The following GBF1 variants were observed in gnomAD, a reference collection of about 807,000 sequenced individuals.
GBF1 encodes the protein golgi brefeldin A resistant guanine nucleotide exchange factor 1.
In GBF1, 114 loss-of-function variants were observed where a neutral mutation model predicts 210.5. The observed-to-expected ratio is 0.54, with a 90% confidence interval of 0.47 to 0.63. The LOEUF (loss-of-function observed/expected upper bound fraction) is 0.63, where lower values mean the gene tolerates loss of function less well. Ranked by LOEUF, GBF1 falls within the 30% of genes least tolerant of loss-of-function variation. The pLI, the probability that GBF1 is intolerant of heterozygous loss-of-function variation, is 0.00. For missense variants in GBF1, 1,851 were observed against 2,357.7 expected (o/e 0.79, Z 4.45); for synonymous variants, 850 against 889.2 (o/e 0.96, Z 0.78).
intron 4 of GBF1, 78 bp downstream of exon 4, chr10:102,344,260 G>A: frequency 1.5e-6 from 2 of 1,372,338 alleles, no homozygotes; most frequent in Admixed American, 3.8e-5. Context: ...CTTAGGCAAT[G>A]AGCTGGTGAT....
chr10:102,244,287 T>C (rs1389846012), upstream of GBF1, among the ~76,000 whole-genome samples: 1 of 152,194 alleles, frequency 6.6e-6, no homozygotes. Flanking sequence ...ATTGGGAGGA[T>C]GTATGGAAAG....
chr10:102,345,569 C>T (rs1297626663), intron 4 of GBF1, among the ~76,000 whole-genome samples: 2 of 147,834 alleles, frequency 1.4e-5, no homozygotes, highest in East Asian at 4.0e-4. Flanking sequence ...ATCACTTGAA[C>T]CCGGGAGGCG....
intron 4 of GBF1, among the ~76,000 whole-genome samples, chr10:102,349,880 G>C (rs1198657308): frequency 6.6e-6 from 1 of 152,068 alleles, no homozygotes; most frequent in Non-Finnish European, 1.5e-5. Context: ...CCGGTTGTCT[G>C]ACCTCTAGCT....
intron 4 of GBF1, among the ~76,000 whole-genome samples, chr10:102,350,039 A>G (rs1199651822): frequency 1.3e-5 from 2 of 152,264 alleles, no homozygotes; most frequent in South Asian, 2.1e-4. Context: ...ATTATTTTAA[A>G]TAAGAATGAA....
In GBF1 at chr10:102,370,260, A is replaced by G. The variant is rs2060130308; in HGVS notation, c.3411+15A>G. ...AGCTCATGAAGGTAAAGGATGAAGAAAGGAAACATGGAACAACTGGCTGAA... is the reference window on the plus strand; with the variant it reads ...AGCTCATGAAGGTAAAGGATGAAGAGAGGAAACATGGAACAACTGGCTGAA... On this transcript the variant is annotated intron_variant, in intron 27 of 39. Coordinates refer to ENST00000369983, the MANE Select transcript of GBF1 (RefSeq NM_001377137.1). The G allele has an allele frequency of 6.3e-7, 1 of 1,584,076 alleles. No individual in the cohort carries two copies. The highest frequency in any genetic ancestry group is 1.3e-5 in the African/African-American group (1 of 74,348).
In GBF1 at chr10:102,325,425, C is replaced by T. The variant is rs376447031; in HGVS notation, c.164-18626C>T. Among the ~76,000 whole-genome samples the T allele has an allele frequency of 4.0e-5, 6 of 151,872 alleles. No homozygotes were observed. In the East Asian group the frequency reaches 9.9e-4, roughly 25 times the overall value. ...ATTAGCTAGGCGTGATGGTGGGCAC[C>T]TGTAATGCCAGCTCCTTGGGAGGCT... On this transcript the variant is annotated intron_variant, in intron 3 of 39. Transcript: ENST00000369983.
chr10:102,343,691 G>A (rs1164583683), intron 3 of GBF1, among the ~76,000 whole-genome samples: 1 of 151,150 alleles, frequency 6.6e-6, no homozygotes, highest in African/African-American at 2.4e-5. Flanking sequence ...GGTGACAGAC[G>A]CCTATAGTCC....
Position 102,375,599 on chromosome 10 carries a change from A to C in GBF1, c.3886+15A>C, listed in dbSNP as rs759725393. 4 of 1,522,764 alleles carry C rather than the reference A, an allele frequency of 2.6e-6. No homozygotes were observed. In the African/African-American group the frequency reaches 5.5e-5, roughly 21 times the overall value. The allele number at this position is 1,522,764 out of a possible 1,614,324, so 94.3% of individuals were successfully genotyped here. ...ACCTGATGCCGGTAAGCCCTTTCCC[A>C]GGGAGACTCAGGCTGGCAGATAAAC... is the stretch of plus-strand genomic sequence containing the variant. On this transcript the variant is annotated intron_variant, in intron 30 of 39. Coordinates refer to ENST00000369983, the MANE Select transcript of GBF1 (RefSeq NM_001377137.1).
chr10:102,299,908 T>G (rs991346692), intron 3 of GBF1, among the ~76,000 whole-genome samples: 1 of 152,194 alleles, frequency 6.6e-6, no homozygotes, highest in African/African-American at 2.4e-5. Flanking sequence ...ATTTTATCAT[T>G]GTTATTAAAA....
intron 3 of GBF1, among the ~76,000 whole-genome samples, chr10:102,263,711 A>C (rs986044911): frequency 6.6e-6 from 1 of 152,180 alleles, no homozygotes; most frequent in Non-Finnish European, 1.5e-5. Flanking sequence ...ATGTCATTGG[A>C]CCACATTTAC....
At chr10:102,350,964 G>C (rs1054670911) in intron 4 of GBF1, among the ~76,000 whole-genome samples, 1 of 151,890 alleles carries the variant, frequency 6.6e-6, no homozygotes, top group Non-Finnish European at 1.5e-5. Flanking sequence ...GTGGGCGCCT[G>C]TAATGCCAGC....
chr10:102,309,262 A>C lies in GBF1; in HGVS notation c.164-34789A>C, dbSNP rs1589584226. 3.9e-5 allele frequency among the ~76,000 whole-genome samples: 6 copies of C among 152,230 alleles called. No homozygotes were observed. The South Asian group carries it at 1.2e-3, about 32-fold the overall frequency. On this transcript the variant is annotated intron_variant, in intron 3 of 39. Transcript: ENST00000369983. ...AGCAGGAATCAAACTCATGTCTCAG[A>C]AAAGTTATTAATTACAGCTTGTCTT...
chr10:102,235,191 C>T, the GBF1 span, among the ~76,000 whole-genome samples: 2 of 148,092 alleles, frequency 1.4e-5, no homozygotes. Flanking sequence ...CCCCCCACCG[C>T]CTCCCTGGCC....
chr10:102,298,923 G>T (rs894342116), intron 3 of GBF1, among the ~76,000 whole-genome samples: 1 of 152,084 alleles, frequency 6.6e-6, no homozygotes, highest in Non-Finnish European at 1.5e-5. Flanking sequence ...TTGTTCTGTT[G>T]TTCTAGAAAA....
intron 3 of GBF1, among the ~76,000 whole-genome samples, chr10:102,291,069 C>T (rs202224863): frequency 2.6e-5 from 4 of 152,056 alleles, no homozygotes; most frequent in African/African-American, 9.7e-5. Flanking sequence ...AGGAACCTTT[C>T]GGATTTGTAT....
rs1565193674 is a variant in GBF1, at chr10:102,382,210, G to A, written c.5457G>A (p.Gln1819=). Residue 1819 remains glutamine (Q), a synonymous_variant, in exon 40 of 40, where the codon CAG becomes CAA. Coordinates refer to ENST00000369983, the MANE Select transcript of GBF1 (RefSeq NM_001377137.1). The stretch of plus-strand genomic sequence containing the variant: ...TGCAGCCCTTGGCCTCCCCACTGCA[G>A]GTGGGCGTGCCACCTATGACTCTGC... ...LILQPLASPL[Q]VGVPPMTLPI... 4 of 1,614,072 alleles carry A rather than the reference G, an allele frequency of 2.5e-6. No homozygotes were observed. The highest frequency in any genetic ancestry group is 8.5e-7 in the Non-Finnish European group (1 of 1,179,942).
chr10:102,361,668 T>C, intron 13 of GBF1, 50 bp from the exon 14 acceptor site: 2 of 1,311,248 alleles, frequency 1.5e-6, no homozygotes, highest in Non-Finnish European at 2.1e-6. Flanking sequence ...TTTCTCTTCC[T>C]ATCTTGAATC....
rs973022380 is a variant in GBF1, at chr10:102,314,435, C to T, written c.164-29616C>T. ...ATGCTGGGATTACAGGTATGAGCCA[C>T]CGCACCCAGCAACCTGTCAATTATT... On this transcript the variant is annotated intron_variant, in intron 3 of 39. Coordinates refer to ENST00000369983, the MANE Select transcript of GBF1 (RefSeq NM_001377137.1). 3.9e-5 allele frequency among the ~76,000 whole-genome samples: 6 copies of T among 152,152 alleles called. No individual in the cohort carries two copies. The East Asian group carries it at 5.8e-4, about 15-fold the overall frequency.
chr10:102,300,966 ATTTTC>A (rs1197990573), intron 3 of GBF1, among the ~76,000 whole-genome samples: 56 of 96,356 alleles, frequency 5.8e-4, no homozygotes, highest in Admixed American at 6.9e-4. Context: ...GAGAATCAGT[ATTTTC>A]TTTTCTTTTT....
Sources: allele counts gnomAD v4.1 joint callset (sites outside exome capture counted in the v4.1 genomes callset), GRCh38; gene constraint gnomAD v4.1.1; transcripts MANE v1.5; gene names NCBI Gene and HGNC (gene_info 2026-07-23, HGNC 2026-07-21).